Variants in PITPNM2 observed in about 807,000 individuals in gnomAD.
The protein encoded by PITPNM2 is phosphatidylinositol transfer protein membrane associated 2.
Under a neutral mutation model 132.2 loss-of-function variants are expected in PITPNM2, and 35 were observed. The observed-to-expected ratio is 0.26, with a 90% CI of 0.20 to 0.35. The LOEUF (loss-of-function observed/expected upper bound fraction) is 0.35. PITPNM2 is among the 10% of genes least tolerant of loss of function. PITPNM2 has a pLI of 1.00. For synonymous variants in PITPNM2, 738 were observed against 799.2 expected, an observed-to-expected ratio of 0.92 and a Z score of 1.29; for missense variants, 1,332 against 1,912.0, an observed-to-expected ratio of 0.70 and a Z score of 5.66.
At chr12:122,991,582 G>A (rs530332136) in intron 16 of PITPNM2, among the ~76,000 whole-genome samples, 1 of 152,332 alleles carries the variant, frequency 6.6e-6, no homozygotes, top group Admixed American at 6.5e-5. Context: ...ACAATATGCA[G>A]GGAGGAAGCA....
intron 2 of PITPNM2, among the ~76,000 whole-genome samples, chr12:123,100,398 G>A (rs766870491): frequency 6.6e-6 from 1 of 152,208 alleles, no homozygotes; most frequent in African/African-American, 2.4e-5. Flanking sequence ...GGCCAAGGCG[G>A]GTGGATCACC....
chr12:123,034,676 C>A lies in PITPNM2; in HGVS notation c.-86G>T. 1 of 1,145,768 alleles carries A rather than the reference C, an allele frequency of 8.7e-7. No individual in the cohort carries two copies. Among genetic ancestry groups the A allele is most frequent in the Non-Finnish European group, 1.3e-6 (1 of 757,990 alleles). The allele number at this position is 1,145,768 out of a possible 1,614,324, so 71.0% of individuals were successfully genotyped here. A position where few individuals can be genotyped will look rare whatever the true frequency, so the allele number is the denominator to read the frequency against. Reference sequence around the variant, plus strand: ...CCTTAAATAACCATGACAAAATTCACCAAGGACCCCTGGGAGACAGAGAGG... The same window carrying A: ...CCTTAAATAACCATGACAAAATTCAACAAGGACCCCTGGGAGACAGAGAGG... On this transcript the variant is annotated 5_prime_UTR_variant, in exon 3 of 26. Coordinates refer to ENST00000320201, the MANE Select transcript of PITPNM2 (RefSeq NM_020845.3).
intron 6 of PITPNM2, among the ~76,000 whole-genome samples, chr12:123,007,046 C>T (rs982378053): frequency 6.6e-6 from 1 of 152,200 alleles, no homozygotes; most frequent in South Asian, 2.1e-4. Flanking sequence ...GCCCTCCACT[C>T]GCCTGGCCCC....
At chr12:123,134,482 G>C (rs769637814) in intron 1 of PITPNM2, among the ~76,000 whole-genome samples, 1 of 152,124 alleles carries the variant, frequency 6.6e-6, no homozygotes, top group East Asian at 1.9e-4. Context: ...AATGGGCTTC[G>C]CATGAGTCAG....
Position 123,001,067 on chromosome 12 carries a change from C to T in PITPNM2, c.1140G>A (p.Pro380=), listed in dbSNP as rs145437742. 661 of 1,613,976 alleles carry T rather than the reference C, an allele frequency of 4.1e-4. No homozygotes were observed. The highest frequency in any genetic ancestry group is 5.4e-4 in the Non-Finnish European group (633 of 1,179,978). Residue 380 remains proline (P), a synonymous_variant, in exon 9 of 26, where the codon CCG becomes CCA. Transcript: ENST00000320201. ...AGACCTGCTGACCTTGTGTGTCTTCCGGCTCTGGGCTCTCGATCTTGTCCA... is the reference window on the plus strand; with the variant it reads ...AGACCTGCTGACCTTGTGTGTCTTCTGGCTCTGGGCTCTCGATCTTGTCCA... ...DLMDKIESPE[P]EDTQDGLYRQ...
At chr12:123,054,392 A>AT (rs1324599630) in intron 2 of PITPNM2, among the ~76,000 whole-genome samples, 97 of 152,288 alleles carry the variant, frequency 6.4e-4, no homozygotes, top group African/African-American at 2.1e-3. Context: ...GTTCTATCAG[A>AT]TTTAGGGATT....
chr12:123,045,069 G>C (rs866855487), intron 2 of PITPNM2, among the ~76,000 whole-genome samples: 1 of 152,212 alleles, frequency 6.6e-6, no homozygotes, highest in African/African-American at 2.4e-5. Flanking sequence ...CCAACTCTCT[G>C]TCACTGGGGC....
rs560683577 is a variant in PITPNM2 at position 123,144,144 on chromosome 12, G to A, written c.-200+6609C>T. Among the ~76,000 whole-genome samples, 79 of 152,308 alleles carry A rather than the reference G, an allele frequency of 5.2e-4. 2 individuals carry two copies. The South Asian group carries it at 0.016, about 31-fold the overall frequency. On this transcript the variant is annotated intron_variant, in intron 1 of 25. Coordinates refer to ENST00000320201, the MANE Select transcript of PITPNM2 (RefSeq NM_020845.3). ...ATTCCCTGCTGAGGTTGAACGAGGGGACATCCTCTATCTTCCCATCTCAGC... is the reference window on the plus strand; with the variant it reads ...ATTCCCTGCTGAGGTTGAACGAGGGAACATCCTCTATCTTCCCATCTCAGC...
intron 2 of PITPNM2, among the ~76,000 whole-genome samples, chr12:123,103,298 T>C (rs558643078): frequency 5.3e-4 from 80 of 152,342 alleles, no homozygotes; most frequent in Middle Eastern, 6.8e-3. Context: ...CTGTCTCCCT[T>C]GAACTGTTAG....
chr12:123,094,806 C>A lies in PITPNM2; in HGVS notation c.-96+15579G>T, dbSNP rs1029107408. On this transcript the variant is annotated intron_variant, in intron 2 of 25. Transcript: ENST00000320201. ...CCATCTAAGAATCGAAGGCCTTGGA[C>A]TGACCGACCTCCTGGCTCTGACCCC... is the stretch of plus-strand genomic sequence containing the variant. Among the ~76,000 whole-genome samples, 19 of 152,306 alleles carry A rather than the reference C, an allele frequency of 1.2e-4. 1 individual carries two copies. Among genetic ancestry groups the A allele is most frequent in the African/African-American group, 4.6e-4 (19 of 41,554 alleles).
At chr12:123,133,299 C>T (rs2043305956) in intron 1 of PITPNM2, among the ~76,000 whole-genome samples, 2 of 152,200 alleles carry the variant, frequency 1.3e-5, no homozygotes, top group Non-Finnish European at 2.9e-5. Flanking sequence ...CAAATCCCTG[C>T]CATCTGCCTA....
chr12:123,026,933 C>T (rs1338099324), intron 3 of PITPNM2, among the ~76,000 whole-genome samples: 2 of 152,240 alleles, frequency 1.3e-5, no homozygotes, highest in Non-Finnish European at 2.9e-5. Flanking sequence ...GATCTCATTT[C>T]AAGATCCTTA....
chr12:123,134,586 A>G (rs538751585), intron 1 of PITPNM2, among the ~76,000 whole-genome samples: 8 of 152,192 alleles, frequency 5.3e-5, no homozygotes, highest in African/African-American at 1.9e-4. Context: ...CCTTGAAAAC[A>G]TGAAGTGTTC....
At position 123,082,693 on chromosome 12, in the gene PITPNM2, C is replaced by T. The variant is rs2041999721; in HGVS notation, c.-96+27692G>A. On this transcript the variant is annotated intron_variant, in intron 2 of 25. Coordinates refer to ENST00000320201, the MANE Select transcript of PITPNM2 (RefSeq NM_020845.3). This position sits in a 1 kb window ranked among gnomAD's most constrained non-coding sequence, Gnocchi z 5.4. ...TCAACTGATCCGCCCGCCTTGGCCT[C>T]CCAAAGTGCTGGGATTGCAGGCGTG... 6.6e-6 allele frequency: 1 copy of T among 152,286 alleles called. No individual in the cohort carries two copies. Among genetic ancestry groups the T allele is most frequent in the South Asian group, 2.1e-4 (1 of 4,834 alleles). The allele number at this position is 152,286 out of a possible 1,614,324, so 9.4% of individuals were successfully genotyped here.
At chr12:123,100,561 A>T (rs965268513) in intron 2 of PITPNM2, among the ~76,000 whole-genome samples, 1 of 151,940 alleles carries the variant, frequency 6.6e-6, no homozygotes, top group Non-Finnish European at 1.5e-5. Context: ...GGTAGGCGGA[A>T]GTTGTAGTGA....
Position 122,987,254 on chromosome 12 carries a change from C to A in PITPNM2, c.3413+27G>T, listed in dbSNP as rs2037976702. 4 of 1,607,644 alleles carry A rather than the reference C, an allele frequency of 2.5e-6. No homozygotes were observed. In the Admixed American group the frequency reaches 6.7e-5, roughly 27 times the overall value. ...CTGAGCCCACCCACCTTGCTACAGC[C>A]CCTTTGTGCCCCTCTGGGCCACTCA... On this transcript the variant is annotated intron_variant, in intron 23 of 25. Transcript: ENST00000320201.
At chr12:123,060,154 A>AT (rs2041183563) in intron 2 of PITPNM2, among the ~76,000 whole-genome samples, 1 of 151,976 alleles carries the variant, frequency 6.6e-6, no homozygotes, top group Admixed American at 6.6e-5. Context: ...GTTGACCTTT[A>AT]TTTTTTTATT....
intron 1 of PITPNM2, among the ~76,000 whole-genome samples, chr12:123,145,285 C>A (rs1011494263): frequency 1.3e-5 from 2 of 152,132 alleles, no homozygotes; most frequent in Non-Finnish European, 2.9e-5. Context: ...GCTATTCCAC[C>A]CTACATTCAT....
intron 1 of PITPNM2, among the ~76,000 whole-genome samples, chr12:123,115,552 C>CGCACACACACACAT (rs941030959): frequency 6.6e-6 from 1 of 151,954 alleles, no homozygotes; most frequent in Non-Finnish European, 1.5e-5. Context: ...CACACACACA[C>CGCACACACACACAT]GCACACACAC....
Sources: allele counts gnomAD v4.1 joint callset (sites outside exome capture counted in the v4.1 genomes callset), GRCh38; gene constraint gnomAD v4.1.1; non-coding constraint Gnocchi (gnomAD v3.1); transcripts MANE v1.5; gene names NCBI Gene and HGNC (gene_info 2026-07-23, HGNC 2026-07-21).